The following GARNL3 variants were observed in gnomAD, a reference collection of about 807,000 sequenced individuals.
GARNL3 encodes GTPase activating Rap/RanGAP domain like 3.
A neutral mutation model predicts 125.0 loss-of-function variants in GARNL3; 63 were observed. The ratio of observed to expected loss-of-function variants is 0.50; its 90% CI spans 0.41 to 0.62. The LOEUF is 0.62. Among genes scored for constraint, GARNL3 ranks in the 20% least tolerant of loss-of-function variants. The pLI is 0.00. For missense variants in GARNL3, 994 were observed against 1,244.0 expected, an observed-to-expected ratio of 0.80 and a Z score of 3.02; for synonymous variants, 439 against 457.5, an observed-to-expected ratio of 0.96 and a Z score of 0.52.
rs182324641 is a variant in GARNL3, at chr9:127,247,448, T to G, written c.143+4199T>G. ...AGTCAGATGGTTGTCTCCTATTCCT[T>G]TACCTCCTTTTCTCTCTTTCCCCGT... On this transcript the variant is annotated intron_variant, in intron 2 of 10. Transcript: ENST00000439286. 3.3e-5 allele frequency among the ~76,000 whole-genome samples: 5 copies of G among 152,292 alleles called. No individual in the cohort carries two copies. In the East Asian group the frequency reaches 9.6e-4, roughly 29 times the overall value.
At chr9:127,369,320 G>A (rs1359644531) in intron 22 of GARNL3, among the ~76,000 whole-genome samples, 1 of 152,216 alleles carries the variant, frequency 6.6e-6, no homozygotes, top group Admixed American at 6.5e-5. Context: ...GGACCCATCA[G>A]TGCCTTCCTG....
intron 6 of GARNL3, among the ~76,000 whole-genome samples, chr9:127,324,547 C>T (rs893438885): frequency 6.6e-6 from 1 of 152,210 alleles, no homozygotes; most frequent in Non-Finnish European, 1.5e-5. Flanking sequence ...AGAGCCTTGG[C>T]TTTGGTGTCC....
intron 2 of GARNL3, among the ~76,000 whole-genome samples, chr9:127,243,529 A>G (rs2063240003): frequency 6.6e-6 from 1 of 152,220 alleles, no homozygotes; most frequent in Admixed American, 6.5e-5. Context: ...ACAGATAGCC[A>G]TTACTCAAAT....
chr9:127,226,559 A>G (rs2062917327), intron 1 of GARNL3, among the ~76,000 whole-genome samples: 1 of 152,048 alleles, frequency 6.6e-6, no homozygotes, highest in Admixed American at 6.5e-5. Flanking sequence ...CTTGTGCTGC[A>G]CTGTTTCTCA....
intron 22 of GARNL3, among the ~76,000 whole-genome samples, chr9:127,374,220 G>C (rs891959447): frequency 1.3e-5 from 2 of 152,076 alleles, no homozygotes; most frequent in African/African-American, 4.8e-5. Context: ...AGAATCACTT[G>C]AACCCAGGAG....
intron 7 of GARNL3, among the ~76,000 whole-genome samples, chr9:127,329,482 C>G (rs1182887118): frequency 6.6e-6 from 1 of 152,130 alleles, no homozygotes; most frequent in African/African-American, 2.4e-5. Flanking sequence ...TTGTCTGACC[C>G]TAATAACTTG....
At chr9:127,393,047 C>T (rs1467295057) in intron 27 of GARNL3, 36 bp from the exon 28 acceptor site, 4 of 1,545,654 alleles carry the variant, frequency 2.6e-6, no homozygotes, top group Non-Finnish European at 3.5e-6. Flanking sequence ...CTGTGGTACT[C>T]CCAAAGATCC....
Position 127,322,153 on chromosome 9 carries a change from CAA to C in GARNL3, c.567+1377_567+1378del, listed in dbSNP as rs998916498. Among the ~76,000 whole-genome samples, 8 of 152,162 alleles carry C rather than the reference CAA, an allele frequency of 5.3e-5. No individual in the cohort carries two copies. The East Asian group carries it at 7.7e-4, about 15-fold the overall frequency. On this transcript the variant is annotated intron_variant, in intron 6 of 27. Transcript: ENST00000373387. ...TGATACTTTATAGCAAATTTTAAAA[CAA>C]ACTAGAATTATAAATATGTCAGTAC...
In GARNL3 at chr9:127,392,304, T is replaced by C. The variant is rs1564208197; in HGVS notation, c.2871-779T>C. On this transcript the variant is annotated intron_variant, in intron 27 of 27. Transcript: ENST00000373387. This position sits in a 1 kb window ranked among gnomAD's most constrained non-coding sequence, Gnocchi z 5.2. ...AAATAGTGACAAGTGCTACAAGAAATTGAGAAGAAGTGACGGGGCTGGCAC... is the reference window on the plus strand; with the variant it reads ...AAATAGTGACAAGTGCTACAAGAAACTGAGAAGAAGTGACGGGGCTGGCAC... 6.6e-6 allele frequency among the ~76,000 whole-genome samples: 1 copy of C among 152,198 alleles called. No homozygotes were observed. The highest frequency in any genetic ancestry group is 2.4e-5 in the African/African-American group (1 of 41,512).
chr9:127,334,308 G>A (rs1829429529), intron 9 of GARNL3, among the ~76,000 whole-genome samples: 1 of 152,158 alleles, frequency 6.6e-6, no homozygotes, highest in Non-Finnish European at 1.5e-5. Context: ...GATCTTCACA[G>A]TCAGTCCTTG....
intron 6 of GARNL3, among the ~76,000 whole-genome samples, chr9:127,321,478 T>C (rs1439027041): frequency 6.6e-6 from 1 of 152,220 alleles, no homozygotes; most frequent in Non-Finnish European, 1.5e-5. Context: ...ATTGAGCTCT[T>C]ACTCATGTAG....
chr9:127,292,042 A>G (rs956412392), intron 2 of GARNL3, among the ~76,000 whole-genome samples: 8 of 152,040 alleles, frequency 5.3e-5, no homozygotes, highest in South Asian at 2.1e-4. Flanking sequence ...TTATGATGCT[A>G]TTGATGGTTA....
intron 2 of GARNL3, among the ~76,000 whole-genome samples, chr9:127,252,094 A>G (rs1276471533): frequency 6.6e-6 from 1 of 152,212 alleles, no homozygotes; most frequent in Non-Finnish European, 1.5e-5. Flanking sequence ...TTGTCAAAAT[A>G]GTATATAAGC....
chr9:127,349,479 A>T (rs896184955), intron 17 of GARNL3, among the ~76,000 whole-genome samples: 1 of 152,252 alleles, frequency 6.6e-6, no homozygotes, highest in African/African-American at 2.4e-5. Context: ...AGAATCTTAG[A>T]TAACCCATTT....
At chr9:127,360,722 C>T (rs1040512529) in intron 21 of GARNL3, among the ~76,000 whole-genome samples, 3 of 152,144 alleles carry the variant, frequency 2.0e-5, no homozygotes, top group Non-Finnish European at 4.4e-5. Flanking sequence ...GCTGCCTGCC[C>T]GCCTCTGTGG....
intron 22 of GARNL3, among the ~76,000 whole-genome samples, chr9:127,370,008 G>A (rs945092516): frequency 6.6e-6 from 1 of 152,176 alleles, no homozygotes; most frequent in Non-Finnish European, 1.5e-5. Flanking sequence ...GGTGCCCAAG[G>A]TGTCCTCTCT....
intron 16 of GARNL3, among the ~76,000 whole-genome samples, chr9:127,346,108 C>T (rs1830123205): frequency 6.6e-6 from 1 of 152,214 alleles, no homozygotes; most frequent in African/African-American, 2.4e-5. Flanking sequence ...TATTTATCTA[C>T]ATCCTGTTCC....
intron 2 of GARNL3, among the ~76,000 whole-genome samples, chr9:127,250,617 C>T (rs1229478332): frequency 6.6e-6 from 1 of 151,996 alleles, no homozygotes; most frequent in Admixed American, 6.5e-5. Flanking sequence ...GAGAAAGATT[C>T]GAGTTGGAGG....
At chr9:127,363,967 G>T (rs7042311) in intron 21 of GARNL3, 79,965 of 151,932 alleles carry the variant, frequency 0.53, 21,451 homozygotes, top group East Asian at 0.69. Context: ...GTGTTCTCAT[G>T]ATGCCTGCTT....
Sources: allele counts gnomAD v4.1 joint callset (sites outside exome capture counted in the v4.1 genomes callset), GRCh38; gene constraint gnomAD v4.1.1; non-coding constraint Gnocchi (gnomAD v3.1); transcripts MANE v1.5; gene names NCBI Gene and HGNC (gene_info 2026-07-23, HGNC 2026-07-21).